Variants in PCDHA7 observed in about 807,000 individuals in gnomAD.
PCDHA7 encodes the protein protocadherin alpha-7.
A neutral mutation model predicts 57.2 loss-of-function variants in PCDHA7; 37 were observed. The observed-to-expected ratio is 0.65, with a 90% CI of 0.50 to 0.85. PCDHA7 has a LOEUF of 0.85. PCDHA7 is among the 40% of genes least tolerant of loss of function. The pLI is 0.00. For missense variants in PCDHA7, 1,188 were observed against 1,241.8 expected (o/e 0.96, Z 0.65); for synonymous variants, 553 against 558.8 (o/e 0.99, Z 0.15).
chr5:140,904,189 C>G (rs1436545458), intron 1 of PCDHA7, among the ~76,000 whole-genome samples: 1 of 151,968 alleles, frequency 6.6e-6, no homozygotes, highest in Non-Finnish European at 1.5e-5. Context: ...CCCCTTCCCA[C>G]CCTTTCCCCC....
intron 1 of PCDHA7, chr5:140,852,581 TA>T (rs1417948618): frequency 2.2e-5 from 18 of 832,290 alleles, no homozygotes; most frequent in South Asian, 5.3e-5. Flanking sequence ...AAGGCTTTTT[TA>T]TTTTTTTTTT....
Position 140,999,346 on chromosome 5 carries a change from T to C in PCDHA7, c.2504-10281T>C, listed in dbSNP as rs115221132. ...ATCTGTGTGATTTATAAGCCTTGTC[T>C]CTTTTTAATGTTCACAATCCCATTA... On this transcript the variant is annotated intron_variant, in intron 3 of 3. Transcript: ENST00000525929. Among the ~76,000 whole-genome samples the C allele has an allele frequency of 2.6e-3, 399 of 152,360 alleles. 2 individuals are homozygous for C. In the Middle Eastern group the frequency reaches 0.041, roughly 16 times the overall value.
chr5:140,898,560 G>T lies in PCDHA7; in HGVS notation c.2355+61822G>T, dbSNP rs185604146. On this transcript the variant is annotated intron_variant, in intron 1 of 3. Coordinates refer to ENST00000525929, the MANE Select transcript of PCDHA7 (RefSeq NM_018910.3). ...TTCCATTTATCTATGTCTCTGTTTT[G>T]GTACCAGTGCCATGCTGTTTTGGTT... Among the ~76,000 whole-genome samples the T allele has an allele frequency of 5.1e-3, 775 of 152,210 alleles. 4 individuals carry two copies. The highest frequency in any genetic ancestry group is 8.5e-3 in the Non-Finnish European group (578 of 68,016).
intron 1 of PCDHA7, among the ~76,000 whole-genome samples, chr5:140,893,392 C>T (rs116952410): frequency 6.6e-6 from 1 of 152,112 alleles, no homozygotes; most frequent in African/African-American, 2.4e-5. Context: ...GTGGCTCATG[C>T]CTGTAATCCC....
Position 140,855,940 on chromosome 5 carries a change from T to G in PCDHA7, c.2355+19202T>G, listed in dbSNP as rs781849353. 20 of 1,323,248 alleles carry G rather than the reference T, an allele frequency of 1.5e-5. 4 individuals carry two copies. The highest frequency in any genetic ancestry group is 2.9e-5 in the South Asian group (2 of 68,766). The allele number at this position is 1,323,248 out of a possible 1,614,324, so 82.0% of individuals were successfully genotyped here. A position where few individuals can be genotyped will look rare whatever the true frequency, so the allele number is the denominator to read the frequency against. Reference sequence around the variant, plus strand: ...TAGGAAGTAGCGTCATTCTGAGATCTCAGCCATTTCGATAAAAAATAGATA... The same window carrying G: ...TAGGAAGTAGCGTCATTCTGAGATCGCAGCCATTTCGATAAAAAATAGATA... On this transcript the variant is annotated intron_variant, in intron 1 of 3. Transcript: ENST00000525929.
chr5:140,943,006 C>A (rs1314561126), intron 1 of PCDHA7, among the ~76,000 whole-genome samples: 2 of 151,932 alleles, frequency 1.3e-5, no homozygotes, highest in East Asian at 3.9e-4. Flanking sequence ...CCTGTAATCC[C>A]AGCACTTTGG....
At chr5:140,927,674 A>C (rs201769803) in intron 1 of PCDHA7, 1 of 1,614,182 alleles carries the variant, frequency 6.2e-7, no homozygotes, top group Admixed American at 1.7e-5. Flanking sequence ...TTGGATCCAG[A>C]TGAAGGGTCC....
chr5:140,924,830 G>T (rs1240824600), intron 1 of PCDHA7, among the ~76,000 whole-genome samples: 3 of 151,612 alleles, frequency 2.0e-5, no homozygotes, highest in Non-Finnish European at 4.4e-5. Flanking sequence ...GGGAGGGGGA[G>T]GTTGCAGGGA....
At chr5:140,882,180 AG>A (rs2058993159) in intron 1 of PCDHA7, 1 of 1,518,026 alleles carries the variant, frequency 6.6e-7, no homozygotes. Flanking sequence ...CTTCCGCACT[AG>A]GAAGCCATAA....
chr5:140,848,483 C>CT, intron 1 of PCDHA7: 1 of 1,570,026 alleles, frequency 6.4e-7, no homozygotes. Flanking sequence ...TAGAAGAAGA[C>CT]TGAGTATTTG....
At position 140,870,848 on chromosome 5, in the gene PCDHA7, G is replaced by C. The variant is rs368769297; in HGVS notation, c.2355+34110G>C. The C allele has an allele frequency of 2.2e-5, 35 of 1,613,876 alleles. No homozygotes were observed. In the African/African-American group the frequency reaches 3.3e-4, roughly 15 times the overall value. ...GGCGCAGTTAACAAGCTAGTACCGCGGTCGGTGGGTGCGGGCCACGTGGTG... is the reference window on the plus strand; with the variant it reads ...GGCGCAGTTAACAAGCTAGTACCGCCGTCGGTGGGTGCGGGCCACGTGGTG... On this transcript the variant is annotated intron_variant, in intron 1 of 3. Transcript: ENST00000525929.
intron 1 of PCDHA7, among the ~76,000 whole-genome samples, chr5:140,932,398 T>C (rs1163806647): frequency 6.6e-6 from 1 of 151,960 alleles, no homozygotes; most frequent in Non-Finnish European, 1.5e-5. Flanking sequence ...AGTTTCAACA[T>C]ACCAATGTTA....
At chr5:140,882,989 G>C (rs567590369) in intron 1 of PCDHA7, 2 of 1,614,130 alleles carry the variant, frequency 1.2e-6, no homozygotes, top group Non-Finnish European at 8.5e-7. Context: ...CAACGCCCCG[G>C]AATTTTACCA....
rs2150419460 is a variant in PCDHA7 at position 140,848,757 on chromosome 5, T to C, written c.2355+12019T>C. 2.5e-6 allele frequency: 4 copies of C among 1,593,378 alleles called. No individual in the cohort carries two copies. In the South Asian group the frequency reaches 4.4e-5, roughly 18 times the overall value. Reference sequence around the variant, plus strand: ...GCAGAATGGCATTTTGTTTGTGAATTCTCGGATCGACCGCGAGGAGCTGTG... The same window carrying C: ...GCAGAATGGCATTTTGTTTGTGAATCCTCGGATCGACCGCGAGGAGCTGTG... On this transcript the variant is annotated intron_variant, in intron 1 of 3. Transcript: ENST00000525929.
At chr5:140,870,876 GA>G (rs34601225) in intron 1 of PCDHA7, 1 of 1,613,958 alleles carries the variant, frequency 6.2e-7, no homozygotes, top group Non-Finnish European at 8.5e-7. Flanking sequence ...ACGTGGTGGC[GA>G]AGGTGCGCGC....
intron 1 of PCDHA7, chr5:140,859,160 T>C (rs1554152196): frequency 6.7e-6 from 1 of 150,194 alleles, no homozygotes; most frequent in Non-Finnish European, 1.5e-5. Context: ...CTCTTCATTA[T>C]CTGCTCCTTT....
chr5:140,841,990 A>C (rs1422352219), intron 1 of PCDHA7: 1 of 1,613,690 alleles, frequency 6.2e-7, no homozygotes, highest in African/African-American at 1.3e-5. Flanking sequence ...CTGAGCTCAC[A>C]GGCACTGTTC....
Position 140,835,629 on chromosome 5 carries a change from G to GA in PCDHA7, c.1247dup (p.Ser417GlufsTer6), listed in dbSNP as rs2150239945. The GA allele has an allele frequency of 2.5e-6, 4 of 1,613,910 alleles. No homozygotes were observed. The East Asian group carries it at 6.7e-5, about 27-fold the overall frequency. ...GGTGCTGGACAGCGCTCTGGACCGC[G>GA]AGAGTGTGTCCGCCTATGAGCTGGT... is the stretch of plus-strand genomic sequence containing the variant. On this transcript the variant is annotated frameshift_variant, in exon 1 of 4. Transcript: ENST00000525929. LOFTEE classifies it high-confidence loss of function.
At position 140,976,923 on chromosome 5, in the gene PCDHA7, C is replaced by T. The variant is rs2096737530; in HGVS notation, c.2356-2026C>T. Among the ~76,000 whole-genome samples the T allele has an allele frequency of 2.0e-5, 3 of 152,236 alleles. No individual in the cohort carries two copies. The South Asian group carries it at 6.2e-4, about 32-fold the overall frequency. On this transcript the variant is annotated intron_variant, in intron 1 of 3. Transcript: ENST00000525929. The stretch of plus-strand genomic sequence containing the variant: ...ATGTAATAAAGTGCAAAATCTAGTA[C>T]TGTGTAGCTACTTAAAACATATTAT...
Sources: gnomAD v4.1 joint callset for allele counts (sites outside exome capture counted in the v4.1 genomes callset) on GRCh38, gnomAD v4.1.1 for gene constraint, MANE v1.5 for transcripts, NCBI Gene and HGNC (gene_info 2026-07-23, HGNC 2026-07-21) for gene names.